Variants in CCDC172 observed in about 807,000 individuals in gnomAD.
CCDC172 encodes coiled-coil domain containing 172.
A neutral mutation model predicts 38.0 loss-of-function variants in CCDC172; 30 were observed. The observed-to-expected ratio is 0.79, with a 90% CI of 0.59 to 1.07. CCDC172 has a LOEUF of 1.07. Among genes scored for constraint, CCDC172 ranks in the 50% least tolerant of loss-of-function variants. The pLI, the probability that CCDC172 is intolerant of heterozygous loss-of-function variation, is 0.00. For missense variants in CCDC172, 297 were observed against 290.1 expected, an observed-to-expected ratio of 1.02 and a Z score of -0.17; for synonymous variants, 78 against 88.3, an observed-to-expected ratio of 0.88 and a Z score of 0.66.
chr10:116,325,097 GTA>G lies in CCDC172; in HGVS notation c.79+9_79+10del. 6.2e-7 allele frequency: 1 copy of G among 1,613,564 alleles called. No individual in the cohort carries two copies. Among genetic ancestry groups the G allele is most frequent in the South Asian group, 1.1e-5 (1 of 91,070 alleles). ...CGCCGTTTGATGCGAGAAGGTCGGG[GTA>G]TTTCTGTCCTTTGCATGGGGCCTTT... On this transcript the variant is annotated splice_region_variant and intron_variant, in intron 2 of 8. Coordinates refer to ENST00000333254, the MANE Select transcript of CCDC172 (RefSeq NM_198515.3).
chr10:116,350,902 A>G (rs1384811487), intron 5 of CCDC172, among the ~76,000 whole-genome samples: 1 of 152,200 alleles, frequency 6.6e-6, no homozygotes, highest in Non-Finnish European at 1.5e-5. Flanking sequence ...AGCTGTAAAT[A>G]AAAATAACAA....
Position 116,370,833 on chromosome 10 carries a change from C to T in CCDC172, c.654-7590C>T, listed in dbSNP as rs561078953. Among the ~76,000 whole-genome samples, 8 of 151,562 alleles carry T rather than the reference C, an allele frequency of 5.3e-5. No homozygotes were observed. In the East Asian group the frequency reaches 1.5e-3, roughly 29 times the overall value. On this transcript the variant is annotated intron_variant, in intron 7 of 8. Coordinates refer to ENST00000333254, the MANE Select transcript of CCDC172 (RefSeq NM_198515.3). Reference sequence around the variant, plus strand: ...GAAATAATTAACATTTTTATGATGTCCTATGAAAGAAAAAGTCATGTTATT... The same window carrying T: ...GAAATAATTAACATTTTTATGATGTTCTATGAAAGAAAAAGTCATGTTATT...
At chr10:116,368,079 G>A (rs1210582741) in intron 7 of CCDC172, among the ~76,000 whole-genome samples, 1 of 152,030 alleles carries the variant, frequency 6.6e-6, no homozygotes, top group Non-Finnish European at 1.5e-5. Flanking sequence ...GTCTTTTTCA[G>A]AGCATTATAT....
intron 5 of CCDC172, among the ~76,000 whole-genome samples, chr10:116,345,900 A>C (rs1485787664): frequency 6.6e-6 from 1 of 152,190 alleles, no homozygotes; most frequent in African/African-American, 2.4e-5. Flanking sequence ...GCAGTTTCTT[A>C]ACAAGCTAAA....
chr10:116,326,956 G>A (rs915389068), intron 3 of CCDC172, among the ~76,000 whole-genome samples: 1 of 152,162 alleles, frequency 6.6e-6, no homozygotes, highest in Non-Finnish European at 1.5e-5. Flanking sequence ...AAAACATTAA[G>A]AATGTTATGA....
Position 116,357,858 on chromosome 10 carries a change from ATCC to A in CCDC172, c.574_576del (p.Ser192del), listed in dbSNP as rs1845018128. 6.6e-7 allele frequency: 1 copy of A among 1,523,864 alleles called. No individual in the cohort carries two copies. Among genetic ancestry groups the A allele is most frequent in the African/African-American group, 1.4e-5 (1 of 70,552 alleles). The allele number at this position is 1,523,864 out of a possible 1,614,324, so 94.4% of individuals were successfully genotyped here. The stretch of plus-strand genomic sequence containing the variant: ...TAGTTTTTGAAGATGAAGAGAATGA[ATCC>A]ATTTGTACTACCAAATATCTAGAGG... On this transcript the variant is annotated inframe_deletion, in exon 7 of 9. Transcript: ENST00000333254.
At chr10:116,356,927 T>A (rs1393077974) in intron 5 of CCDC172, among the ~76,000 whole-genome samples, 2 of 152,152 alleles carry the variant, frequency 1.3e-5, no homozygotes, top group Non-Finnish European at 2.9e-5. Flanking sequence ...TAAGTTCTGG[T>A]CAGTTTCTTA....
chr10:116,357,443 T>C lies in CCDC172; in HGVS notation c.512T>C (p.Leu171Ser). 6.3e-7 allele frequency: 1 copy of C among 1,584,192 alleles called. No individual in the cohort carries two copies. Among genetic ancestry groups the C allele is most frequent in the Non-Finnish European group, 8.6e-7 (1 of 1,167,628 alleles). ...LNELQKQKSE[L>S]IQELFTLQRK... The stretch of plus-strand genomic sequence containing the variant: ...GAACTTCAAAAACAAAAGAGTGAAT[T>C]GATACAAGAATTATTTACTCTCCAA... The change falls in exon 6 of 9, where the codon TTG becomes TCG. Residue 171 changes from leucine to serine, a missense_variant. Physicochemically the swap from Leu to Ser is moderately radical, Grantham distance 145 (BLOSUM62 -2). Transcript: ENST00000333254.
rs754900913 is a variant in CCDC172 at position 116,340,723 on chromosome 10, G to C, written c.166-11G>C. ...TTGTTTTATTCTGATTTCTGTTTTT[G>C]TACTTTGAAGGTTCAACAGTTTTTT... On this transcript the variant is annotated splice_polypyrimidine_tract_variant and intron_variant, in intron 3 of 8. Coordinates refer to ENST00000333254, the MANE Select transcript of CCDC172 (RefSeq NM_198515.3). 1 of 1,324,070 alleles carries C rather than the reference G, an allele frequency of 7.6e-7. No homozygotes were observed. Among genetic ancestry groups the C allele is most frequent in the Non-Finnish European group, 1.1e-6 (1 of 931,232 alleles). The allele number at this position is 1,324,070 out of a possible 1,614,324, so 82.0% of individuals were successfully genotyped here. A position where few individuals can be genotyped will look rare whatever the true frequency, so the allele number is the denominator to read the frequency against.
chr10:116,361,076 A>G (rs1392834755), intron 7 of CCDC172, among the ~76,000 whole-genome samples: 1 of 120,542 alleles, frequency 8.3e-6, no homozygotes, highest in Non-Finnish European at 1.7e-5. Flanking sequence ...TATTATTATT[A>G]TTATTATTTG....
intron 5 of CCDC172, among the ~76,000 whole-genome samples, chr10:116,350,849 A>G (rs1313973730): frequency 6.6e-6 from 1 of 152,172 alleles, no homozygotes. Flanking sequence ...TAGGCCGTGG[A>G]AGAAATTAAA....
chr10:116,340,796 A>C lies in CCDC172; in HGVS notation c.228A>C (p.Leu76Phe), dbSNP rs749432649. 2 of 1,606,824 alleles carry C rather than the reference A, an allele frequency of 1.2e-6. No individual in the cohort carries two copies. The highest frequency in any genetic ancestry group is 2.2e-5 in the South Asian group (2 of 89,990). Reference protein sequence around the residue: ...LQLLKAHENALEKQYSEITNH... With the variant: ...LQLLKAHENAFEKQYSEITNH... Reference sequence around the variant, plus strand: ...TTTTGAAAGCTCATGAAAATGCTTTAGAAAAACAGTACAGTGAAATTACAA... The same window carrying C: ...TTTTGAAAGCTCATGAAAATGCTTTCGAAAAACAGTACAGTGAAATTACAA... Residue 76 changes from leucine to phenylalanine, a missense_variant, in exon 4 of 9, where the codon TTA becomes TTC. Physicochemically the swap from Leu to Phe is conservative, Grantham distance 22. Coordinates refer to ENST00000333254, the MANE Select transcript of CCDC172 (RefSeq NM_198515.3).
intron 7 of CCDC172, among the ~76,000 whole-genome samples, chr10:116,363,684 C>G (rs1251201119): frequency 6.6e-6 from 1 of 151,996 alleles, no homozygotes; most frequent in Non-Finnish European, 1.5e-5. Flanking sequence ...CGTCTATAAT[C>G]CCAACACTTT....
At chr10:116,344,678 A>T (rs980756406) in intron 5 of CCDC172, among the ~76,000 whole-genome samples, 1 of 152,176 alleles carries the variant, frequency 6.6e-6, no homozygotes, top group African/African-American at 2.4e-5. Context: ...TTTTTCTTCC[A>T]AAGTAAATTA....
intron 7 of CCDC172, among the ~76,000 whole-genome samples, chr10:116,370,146 C>T (rs141386160): frequency 6.6e-6 from 1 of 151,818 alleles, no homozygotes; most frequent in African/African-American, 2.4e-5. Flanking sequence ...TATGGTTTGT[C>T]ATTTATCTTT....
intron 5 of CCDC172, 46 bp downstream of exon 5, chr10:116,342,247 C>G: frequency 2.0e-6 from 3 of 1,475,398 alleles, no homozygotes; most frequent in Non-Finnish European, 2.7e-6. Context: ...ATGAAAATAA[C>G]TTATTTTGAA....
At chr10:116,355,392 T>C (rs1014968892) in intron 5 of CCDC172, among the ~76,000 whole-genome samples, 11 of 152,232 alleles carry the variant, frequency 7.2e-5, no homozygotes, top group African/African-American at 2.7e-4. Context: ...ATAGCCTATG[T>C]GTGTAGTAGG....
intron 7 of CCDC172, among the ~76,000 whole-genome samples, chr10:116,377,901 C>T (rs1845267316): frequency 6.6e-6 from 1 of 152,136 alleles, no homozygotes; most frequent in South Asian, 2.1e-4. Flanking sequence ...TAAATGTCAG[C>T]TGGGCGTGGT....
At chr10:116,369,541 A>G (rs1234953381) in intron 7 of CCDC172, among the ~76,000 whole-genome samples, 1 of 152,032 alleles carries the variant, frequency 6.6e-6, no homozygotes, top group Non-Finnish European at 1.5e-5. Context: ...TAATAGTTAA[A>G]AGAGATTATC....
Sources: gnomAD v4.1 joint callset for allele counts (sites outside exome capture counted in the v4.1 genomes callset) on GRCh38, gnomAD v4.1.1 for gene constraint, MANE v1.5 for transcripts, NCBI Gene and HGNC (gene_info 2026-07-23, HGNC 2026-07-21) for gene names.